Variants in ACSS2 observed in about 807,000 individuals in gnomAD.
The protein encoded by ACSS2 is acetyl-coenzyme A synthetase, cytoplasmic.
ACSS2 carries 58 observed loss-of-function variants against 90.6 expected under a neutral mutation model. The ratio of observed to expected loss-of-function variants is 0.64; its 90% CI spans 0.52 to 0.80. The LOEUF is 0.80. Among genes scored for constraint, ACSS2 ranks in the 30% least tolerant of loss-of-function variants. ACSS2 has a pLI of 0.00. For synonymous variants in ACSS2, 300 were observed against 330.9 expected (o/e 0.91, Z 1.01); for missense variants, 759 against 912.0 (o/e 0.83, Z 2.16).
At chr20:34,925,090 A>G (rs528182598) in intron 14 of ACSS2, among the ~76,000 whole-genome samples, 2 of 152,354 alleles carry the variant, frequency 1.3e-5, no homozygotes, top group South Asian at 4.1e-4. Context: ...TGAGTATACT[A>G]TTGGCATGGA....
intron 2 of ACSS2, among the ~76,000 whole-genome samples, chr20:34,884,706 C>T (rs6088640): frequency 0.54 from 82,401 of 152,040 alleles, 23,084 homozygotes; most frequent in South Asian, 0.73. Context: ...TATGCTTGAG[C>T]TCCAGCCAAC....
At chr20:34,883,038 A>T (rs1441594367) in intron 2 of ACSS2, 49 bp downstream of exon 2, 1 of 1,450,876 alleles carries the variant, frequency 6.9e-7, no homozygotes, top group Non-Finnish European at 9.5e-7. Context: ...CACTCATTTG[A>T]TACTTACAAC....
At chr20:34,879,936 A>G (rs538608896) in intron 1 of ACSS2, among the ~76,000 whole-genome samples, 32 of 152,312 alleles carry the variant, frequency 2.1e-4, no homozygotes, top group African/African-American at 7.0e-4. Flanking sequence ...TAAAATTAGG[A>G]TAATTAATGT....
At chr20:34,912,948 A>C (rs557604827) in intron 2 of ACSS2, 148 bp from the exon 3 acceptor site, 802 of 701,320 alleles carry the variant, frequency 1.1e-3, no homozygotes, top group Non-Finnish European at 1.7e-3. Context: ...AAGATTGGTG[A>C]TGGCAAGATT....
chr20:34,888,019 G>A lies in ACSS2; in HGVS notation c.374+5030G>A, dbSNP rs538865248. Among the ~76,000 whole-genome samples, 5 of 133,254 alleles carry A rather than the reference G, an allele frequency of 3.8e-5. No individual in the cohort carries two copies. In the East Asian group the frequency reaches 8.6e-4, roughly 23 times the overall value. The allele number at this position is 133,254 out of a possible 152,430, so 87.4% of individuals were successfully genotyped here. On this transcript the variant is annotated intron_variant, in intron 2 of 17. Coordinates refer to ENST00000360596, the MANE Select transcript of ACSS2 (RefSeq NM_018677.4). ...CAGGAGACAGAGGTTGCAGTGAGCC[G>A]AGATCAAGCCAATGTACTCCAGCCT... is the stretch of plus-strand genomic sequence containing the variant.
intron 2 of ACSS2, among the ~76,000 whole-genome samples, chr20:34,892,680 A>C (rs534512229): frequency 9.7e-4 from 148 of 152,368 alleles, no homozygotes; most frequent in Non-Finnish European, 1.8e-3. Context: ...GTGCTTGGCA[A>C]AAAGTGTATT....
chr20:34,916,309 C>G (rs536133237), intron 7 of ACSS2, among the ~76,000 whole-genome samples: 1 of 152,208 alleles, frequency 6.6e-6, no homozygotes, highest in Non-Finnish European at 1.5e-5. Flanking sequence ...TAAACTTGAA[C>G]AAATTACTTA....
intron 7 of ACSS2, among the ~76,000 whole-genome samples, 168 bp downstream of exon 7, chr20:34,914,605 A>G (rs542348191): frequency 6.6e-6 from 1 of 152,282 alleles, no homozygotes; most frequent in African/African-American, 2.4e-5. Flanking sequence ...GAAGACTTTG[A>G]CCTTGACTGT....
chr20:34,926,466 T>C (rs1289733870), intron 16 of ACSS2, among the ~76,000 whole-genome samples, 185 bp downstream of exon 16: 1 of 152,148 alleles, frequency 6.6e-6, no homozygotes, highest in Non-Finnish European at 1.5e-5. Context: ...ATAATAATAA[T>C]AGCCAACATT....
At chr20:34,919,295 C>A in intron 7 of ACSS2, 140 bp from the exon 8 acceptor site, 1 of 1,333,846 alleles carries the variant, frequency 7.5e-7, no homozygotes, top group South Asian at 1.3e-5. Context: ...CTTTCTGTTC[C>A]ATTCCATCCT....
At chr20:34,923,469 A>G in intron 14 of ACSS2, 38 bp downstream of exon 14, 1 of 1,435,406 alleles carries the variant, frequency 7.0e-7, no homozygotes, top group Non-Finnish European at 9.8e-7. Context: ...CCTCCCACTA[A>G]GACATGTACC....
intron 1 of ACSS2, among the ~76,000 whole-genome samples, chr20:34,882,566 G>A (rs535874127): frequency 2.0e-5 from 3 of 152,094 alleles, no homozygotes; most frequent in African/African-American, 7.2e-5. Context: ...AGGTTGTGGT[G>A]AGCCGAGATC....
intron 7 of ACSS2, 84 bp downstream of exon 7, chr20:34,914,521 C>A: frequency 8.2e-7 from 1 of 1,214,580 alleles, no homozygotes; most frequent in Non-Finnish European, 1.2e-6. Flanking sequence ...TCCTTCTTTG[C>A]CTGCTCATCA....
At chr20:34,895,627 T>C (rs751262579) in intron 2 of ACSS2, among the ~76,000 whole-genome samples, 2 of 152,240 alleles carry the variant, frequency 1.3e-5, no homozygotes, top group Non-Finnish European at 2.9e-5. Flanking sequence ...TCCCTTTGTT[T>C]AACACTTTGT....
At chr20:34,913,930 T>C in intron 5 of ACSS2, 105 bp downstream of exon 5, 2 of 1,380,592 alleles carry the variant, frequency 1.4e-6, no homozygotes, top group Non-Finnish European at 2.1e-6. Flanking sequence ...GGGTAGAGAC[T>C]GCCTGCCTTT....
intron 2 of ACSS2, among the ~76,000 whole-genome samples, chr20:34,886,984 A>G (rs1233914933): frequency 6.6e-6 from 1 of 152,260 alleles, no homozygotes. Flanking sequence ...CACAAAGGAA[A>G]TGGTGCTCTT....
chr20:34,877,909 C>CAGATAGATAGAT (rs71196766), intron 1 of ACSS2, among the ~76,000 whole-genome samples: 38,365 of 146,438 alleles, frequency 0.26, 5,178 homozygotes, highest in South Asian at 0.3. Context: ...GATAGATAGA[C>CAGATAGATAGAT]AGATAGATAG....
In ACSS2 at chr20:34,920,544, G is replaced by T; in HGVS notation, c.978G>T (p.Val326=). ...TSGSTGKPKG[V]VHTVGGYMLY... The stretch of plus-strand genomic sequence containing the variant: ...GTTCCCCATTCTTCCCACAGGGTGT[G>T]GTTCACACAGTTGGGGGCTACATGC... The change falls in exon 9 of 18, where the codon GTG becomes GTT. Residue 326 remains valine (V), a synonymous_variant. Transcript: ENST00000360596. 1.2e-6 allele frequency: 2 copies of T among 1,613,760 alleles called. No individual in the cohort carries two copies. The highest frequency in any genetic ancestry group is 1.7e-5 in the Admixed American group (1 of 60,000).
At chr20:34,875,307 G>A (rs530461222), upstream of ACSS2, among the ~76,000 whole-genome samples, 6 of 152,258 alleles carry the variant, frequency 3.9e-5, no homozygotes, top group South Asian at 2.1e-4. Flanking sequence ...GGTGGCTCAC[G>A]CCTGTAATCC....
Sources: allele counts gnomAD v4.1 joint callset (sites outside exome capture counted in the v4.1 genomes callset), GRCh38; gene constraint gnomAD v4.1.1; transcripts MANE v1.5; gene names NCBI Gene and HGNC (gene_info 2026-07-23, HGNC 2026-07-21).